Variants in SORCS2 observed in about 807,000 individuals in gnomAD.
The protein encoded by SORCS2 is VPS10 domain-containing receptor SorCS2.
SORCS2 carries 100 observed loss-of-function variants against 141.6 expected under a neutral mutation model. The observed-to-expected ratio is 0.71, with a 90% CI of 0.60 to 0.83. The LOEUF (loss-of-function observed/expected upper bound fraction) is 0.83. Ranked by LOEUF, SORCS2 falls within the 40% of genes least tolerant of loss-of-function variation. SORCS2 has a pLI of 0.00. For synonymous variants in SORCS2, 789 were observed against 676.9 expected, an observed-to-expected ratio of 1.17 and a Z score of -2.57; for missense variants, 1,646 against 1,560.2, an observed-to-expected ratio of 1.05 and a Z score of -0.93.
chr4:7,482,955 T>G (rs1409217272), intron 2 of SORCS2, among the ~76,000 whole-genome samples: 2 of 152,152 alleles, frequency 1.3e-5, no homozygotes, highest in Admixed American at 1.3e-4. Flanking sequence ...AGTAGGGTCT[T>G]TGTGGATGGA....
intron 1 of SORCS2, among the ~76,000 whole-genome samples, chr4:7,314,398 G>A (rs978180380): frequency 6.8e-6 from 1 of 147,950 alleles, no homozygotes; most frequent in Admixed American, 6.9e-5. Flanking sequence ...GGAGTGCAGT[G>A]GCGTGATCTT....
chr4:7,461,305 C>G (rs1577603266), intron 2 of SORCS2, among the ~76,000 whole-genome samples: 1 of 152,162 alleles, frequency 6.6e-6, no homozygotes, highest in African/African-American at 2.4e-5. Context: ...GAGCTGGAGC[C>G]CCCGCCCTCC....
intron 3 of SORCS2, among the ~76,000 whole-genome samples, chr4:7,624,763 T>C (rs1577857962): frequency 1.3e-5 from 2 of 152,390 alleles, no homozygotes; most frequent in South Asian, 4.1e-4. Flanking sequence ...ATTAGCCGTC[T>C]GCTGCACTCT....
chr4:7,453,637 T>C (rs1577589593), intron 2 of SORCS2, among the ~76,000 whole-genome samples: 18 of 92,254 alleles, frequency 2.0e-4, no homozygotes, highest in South Asian at 4.0e-4. Flanking sequence ...TGTGTTGGGG[T>C]CAGGCACTGT....
At position 7,733,355 on chromosome 4, in the gene SORCS2, CAGA is replaced by C. The variant is rs1711862623; in HGVS notation, c.3146_3148del (p.Lys1049del). 1 of 1,576,650 alleles carries C rather than the reference CAGA, an allele frequency of 6.3e-7. No homozygotes were observed. Among genetic ancestry groups the C allele is most frequent in the East Asian group, 2.3e-5 (1 of 42,748 alleles). On this transcript the variant is annotated inframe_deletion, in exon 24 of 27. Coordinates refer to ENST00000507866, the MANE Select transcript of SORCS2 (RefSeq NM_020777.3). ...CGCCATCCAGCAGGTGCTGAACGCA[CAGA>C]AGATCAGCTTCCTCCTGCGAGGCGG...
intron 3 of SORCS2, 105 bp downstream of exon 3, chr4:7,531,734 C>G (rs928057088): frequency 1.7e-6 from 2 of 1,174,180 alleles, no homozygotes; most frequent in African/African-American, 1.5e-5. Flanking sequence ...CTACTTTGGC[C>G]CAGGCCGGAG....
intron 4 of SORCS2, among the ~76,000 whole-genome samples, chr4:7,644,289 C>G (rs374638960): frequency 6.6e-6 from 1 of 152,198 alleles, no homozygotes; most frequent in Non-Finnish European, 1.5e-5. Flanking sequence ...CAGCCTGCAC[C>G]TGGTAACTTC....
intron 1 of SORCS2, among the ~76,000 whole-genome samples, chr4:7,282,321 A>G (rs1715936828): frequency 6.6e-6 from 1 of 152,224 alleles, no homozygotes; most frequent in Admixed American, 6.5e-5. Flanking sequence ...TGTTTTTAAG[A>G]CAGGATCTTT....
In SORCS2 at chr4:7,661,584, G is replaced by GGCAGT; in HGVS notation, c.952+23_952+24insGTGCA. On this transcript the variant is annotated intron_variant, in intron 6 of 26. Transcript: ENST00000507866. ...GTGGAGGTAAGCCGGGCAGTGCACA[G>GGCAGT]GCACCGGGTATCCCTGAGTCACCTC... 6.4e-7 allele frequency: 1 copy of GGCAGT among 1,551,102 alleles called. No individual in the cohort carries two copies. The highest frequency in any genetic ancestry group is 8.7e-7 in the Non-Finnish European group (1 of 1,146,608).
At chr4:7,542,894 C>T (rs1712794062) in intron 3 of SORCS2, among the ~76,000 whole-genome samples, 2 of 152,190 alleles carry the variant, frequency 1.3e-5, no homozygotes, top group African/African-American at 4.8e-5. Context: ...GCTTCCTCTT[C>T]CCTCTTAGGA....
chr4:7,392,582 G>A (rs1577491582), intron 1 of SORCS2, among the ~76,000 whole-genome samples: 2 of 152,128 alleles, frequency 1.3e-5, no homozygotes, highest in African/African-American at 2.4e-5. Context: ...CCTCAGGGGC[G>A]GGCAGGTTCG....
chr4:7,540,590 A>G (rs1013298999), intron 3 of SORCS2, among the ~76,000 whole-genome samples: 6 of 152,138 alleles, frequency 3.9e-5, no homozygotes, highest in Non-Finnish European at 8.8e-5. Flanking sequence ...TGGTGCCGAG[A>G]TGCTTTGGCG....
At chr4:7,697,058 CA>C (rs1232499760) in intron 11 of SORCS2, 139 bp from the exon 12 acceptor site, 1 of 665,502 alleles carries the variant, frequency 1.5e-6, no homozygotes, top group Non-Finnish European at 2.6e-6. Flanking sequence ...CCCAGCGCAG[CA>C]GCCACAGCAG....
At chr4:7,278,557 G>A (rs371660337) in intron 1 of SORCS2, among the ~76,000 whole-genome samples, 100 of 152,348 alleles carry the variant, frequency 6.6e-4, no homozygotes, top group Middle Eastern at 3.4e-3. Flanking sequence ...GCAAGGTGCC[G>A]GCTCTGCAGT....
chr4:7,387,665 CAT>C (rs201333005), intron 1 of SORCS2, among the ~76,000 whole-genome samples: 1 of 146,616 alleles, frequency 6.8e-6, no homozygotes, highest in Non-Finnish European at 1.5e-5. Flanking sequence ...CACATGCACA[CAT>C]GCACACACAT....
chr4:7,401,279 A>G (rs116187101), intron 2 of SORCS2, among the ~76,000 whole-genome samples: 2,710 of 152,144 alleles, frequency 0.018, 84 homozygotes, highest in African/African-American at 0.063. Flanking sequence ...AGACAGATGA[A>G]TGGATTGATG....
At chr4:7,312,288 A>G (rs1374861200) in intron 1 of SORCS2, among the ~76,000 whole-genome samples, 1 of 152,176 alleles carries the variant, frequency 6.6e-6, no homozygotes, top group Non-Finnish European at 1.5e-5. Flanking sequence ...TATAGCTAAG[A>G]AAGCTTCTCA....
chr4:7,278,475 A>G (rs909117405), intron 1 of SORCS2, among the ~76,000 whole-genome samples: 7 of 152,182 alleles, frequency 4.6e-5, no homozygotes, highest in African/African-American at 1.7e-4. Flanking sequence ...CACAGCACAA[A>G]CAGCCCAGGG....
intron 4 of SORCS2, among the ~76,000 whole-genome samples, chr4:7,652,849 G>A (rs1410013292): frequency 1.3e-5 from 2 of 152,218 alleles, no homozygotes; most frequent in Non-Finnish European, 2.9e-5. Flanking sequence ...GGCCAGCTGT[G>A]TGATTTGCAG....
Sources: allele counts gnomAD v4.1 joint callset (sites outside exome capture counted in the v4.1 genomes callset), GRCh38; gene constraint gnomAD v4.1.1; transcripts MANE v1.5; gene names NCBI Gene and HGNC (gene_info 2026-07-23, HGNC 2026-07-21).